The following PANX3 variants were observed in gnomAD, a reference collection of about 807,000 sequenced individuals.
PANX3 encodes pannexin 3, also known as pannexin-3.
A neutral mutation model predicts 31.5 loss-of-function variants in PANX3; 18 were observed. The observed-to-expected ratio is 0.57, with a 90% confidence interval of 0.39 to 0.85. PANX3 has a LOEUF of 0.85. Ranked by LOEUF, PANX3 falls within the 40% of genes least tolerant of loss-of-function variation. The pLI, the probability that PANX3 is intolerant of heterozygous loss-of-function variation, is 0.00. For synonymous variants in PANX3, 194 were observed against 201.6 expected (o/e 0.96, Z 0.32); for missense variants, 426 against 485.4 (o/e 0.88, Z 1.15).
chr11:124,612,969 T>C lies in PANX3; in HGVS notation c.182-11T>C, dbSNP rs1565394252. Reference sequence around the variant, plus strand: ...AACTCAGGCGGCCTCAAAGCTGTGTTCCTGTTGCAGGGTCTCCGATCAGCT... The same window carrying C: ...AACTCAGGCGGCCTCAAAGCTGTGTCCCTGTTGCAGGGTCTCCGATCAGCT... On this transcript the variant is annotated splice_polypyrimidine_tract_variant and intron_variant, in intron 1 of 3. Coordinates refer to ENST00000284288, the MANE Select transcript of PANX3 (RefSeq NM_052959.3). The C allele has an allele frequency of 6.2e-7, 1 of 1,613,628 alleles. No homozygotes were observed. The highest frequency in any genetic ancestry group is 1.1e-5 in the South Asian group (1 of 91,030).
At chr11:124,617,181 C>T (rs930250944) in intron 2 of PANX3, 93 bp from the exon 3 acceptor site, 3 of 1,054,616 alleles carry the variant, frequency 2.8e-6, no homozygotes, top group African/African-American at 3.1e-5. Context: ...CCTGCTGAGG[C>T]AGGAACAGGG....
At chr11:124,617,978 A>G (rs971317868) in intron 3 of PANX3, among the ~76,000 whole-genome samples, 1 of 152,214 alleles carries the variant, frequency 6.6e-6, no homozygotes, top group African/African-American at 2.4e-5. Flanking sequence ...TGCTTCTGAT[A>G]CATTCACTTG....
rs746319922 is a variant in PANX3 at position 124,613,030 on chromosome 11, G to T, written c.232G>T (p.Ala78Ser). 3 of 1,614,126 alleles carry T rather than the reference G, an allele frequency of 1.9e-6. No homozygotes were observed. Among genetic ancestry groups the T allele is most frequent in the Non-Finnish European group, 2.5e-6 (3 of 1,180,028 alleles). The change falls in exon 2 of 4, where the codon GCC becomes TCC. Residue 78 changes from alanine (A) to serine (S), a missense_variant. Physicochemically the swap from Ala to Ser is moderately conservative, Grantham distance 99. Transcript: ENST00000284288. Reference sequence around the variant, plus strand: ...CAGTAACTTCAGCATCCGGCAGGCAGCCTACGTGGACAGCTCCTGCTGGGA... The same window carrying T: ...CAGTAACTTCAGCATCCGGCAGGCATCCTACGTGGACAGCTCCTGCTGGGA... ...SPSNFSIRQA[A>S]YVDSSCWDSL...
At chr11:124,614,667 T>G (rs1353074417) in intron 2 of PANX3, among the ~76,000 whole-genome samples, 1 of 145,690 alleles carries the variant, frequency 6.9e-6, no homozygotes, top group Non-Finnish European at 1.5e-5. Flanking sequence ...ATAAACGCCC[T>G]TTCTTTTTTT....
intron 1 of PANX3, 25 bp downstream of exon 1, chr11:124,611,762 C>A (rs570659582): frequency 6.2e-7 from 1 of 1,602,216 alleles, no homozygotes; most frequent in Non-Finnish European, 8.5e-7. Flanking sequence ...AGACCCAGTG[C>A]GCAAGAGAGA....
chr11:124,612,964 T>A lies in PANX3; in HGVS notation c.182-16T>A, dbSNP rs1220360660. The A allele has an allele frequency of 1.2e-6, 2 of 1,613,408 alleles. No homozygotes were observed. The highest frequency in any genetic ancestry group is 3.3e-5 in the Admixed American group (2 of 59,990). ...ACTCCAACTCAGGCGGCCTCAAAGC[T>A]GTGTTCCTGTTGCAGGGTCTCCGAT... On this transcript the variant is annotated splice_polypyrimidine_tract_variant and intron_variant, in intron 1 of 3. Transcript: ENST00000284288.
chr11:124,612,323 A>G (rs897400151), intron 1 of PANX3, among the ~76,000 whole-genome samples: 5 of 152,242 alleles, frequency 3.3e-5, no homozygotes, highest in South Asian at 2.1e-4. Context: ...AGATTCAGTC[A>G]GCAAATCCAC....
intron 2 of PANX3, among the ~76,000 whole-genome samples, chr11:124,614,676 T>C (rs1863133115): frequency 1.4e-5 from 2 of 141,568 alleles, no homozygotes; most frequent in African/African-American, 2.7e-5. Context: ...CTTTCTTTTT[T>C]TTTTTTTTTT....
intron 2 of PANX3, among the ~76,000 whole-genome samples, chr11:124,615,972 C>A (rs1019916794): frequency 6.6e-6 from 1 of 152,052 alleles, no homozygotes; most frequent in Non-Finnish European, 1.5e-5. Context: ...AGAGATCGCA[C>A]CACGGCACTC....
At position 124,619,781 on chromosome 11, in the gene PANX3, C is replaced by T. The variant is rs569209665; in HGVS notation, c.1025C>T (p.Ser342Phe). The change falls in exon 4 of 4, where the codon TCT (serine) becomes TTT (phenylalanine). Residue 342 changes from serine to phenylalanine, a missense_variant. By Grantham distance (155) the Ser-to-Phe change is radical (BLOSUM62 -2). Transcript: ENST00000284288. ...CGAGCTAACATCTCTGAGCTCATCT[C>T]TTTTAGCTGGCTGAGTGTCTTATGT... ...FLRANISELISFSWLSVLCVL... is the reference protein window; with the variant it reads ...FLRANISELIFFSWLSVLCVL... 1.2e-6 allele frequency: 2 copies of T among 1,614,062 alleles called. No individual in the cohort carries two copies. The highest frequency in any genetic ancestry group is 1.7e-6 in the Non-Finnish European group (2 of 1,180,048).
At chr11:124,614,360 C>A (rs560931847) in intron 2 of PANX3, among the ~76,000 whole-genome samples, 4 of 151,960 alleles carry the variant, frequency 2.6e-5, no homozygotes, top group Non-Finnish European at 5.9e-5. Flanking sequence ...CTCTGCCTCC[C>A]GGGTTCAAGC....
intron 3 of PANX3, 40 bp downstream of exon 3, chr11:124,617,528 A>T (rs1380765236): frequency 6.3e-7 from 1 of 1,590,576 alleles, no homozygotes; most frequent in Admixed American, 1.7e-5. Flanking sequence ...AAATTCAGTC[A>T]AGCATTAAAA....
Position 124,620,017 on chromosome 11 carries a change from C to G in PANX3, c.*82C>G, listed in dbSNP as rs1863199004. ...CATGCACACTAATACACATACACAC[C>G]AAAAAATTACACATTTTAAAACTGC... is the stretch of plus-strand genomic sequence containing the variant. On this transcript the variant is annotated 3_prime_UTR_variant, in exon 4 of 4. Coordinates refer to ENST00000284288, the MANE Select transcript of PANX3 (RefSeq NM_052959.3). 7.2e-7 allele frequency: 1 copy of G among 1,382,782 alleles called. No individual in the cohort carries two copies. The allele number at this position is 1,382,782 out of a possible 1,614,324, so 85.7% of individuals were successfully genotyped here. A position where few individuals can be genotyped will look rare whatever the true frequency, so the allele number is the denominator to read the frequency against.
At chr11:124,617,595 G>A (rs1343757557) in intron 3 of PANX3, 107 bp downstream of exon 3, 4 of 1,104,420 alleles carry the variant, frequency 3.6e-6, no homozygotes, top group South Asian at 2.8e-5. Context: ...TCTCAAGAAG[G>A]CAAAGTGCTT....
intron 3 of PANX3, 107 bp from the exon 4 acceptor site, chr11:124,619,189 C>T (rs1237644721): frequency 1.7e-5 from 21 of 1,227,000 alleles, no homozygotes; most frequent in Non-Finnish European, 1.9e-5. Context: ...TCATGGGAAC[C>T]AAGAATGCCA....
intron 1 of PANX3, among the ~76,000 whole-genome samples, chr11:124,612,459 T>C (rs74576560): frequency 6.6e-6 from 1 of 152,166 alleles, no homozygotes; most frequent in African/African-American, 2.4e-5. Context: ...TCTTTATTCA[T>C]CCACAACCAG....
intron 2 of PANX3, 124 bp from the exon 3 acceptor site, chr11:124,617,150 C>T: frequency 1.2e-6 from 1 of 812,794 alleles, no homozygotes; most frequent in Non-Finnish European, 2.0e-6. Flanking sequence ...CTGGGCTAGC[C>T]CATTCCCCAA....
intron 1 of PANX3, 144 bp downstream of exon 1, chr11:124,611,881 A>G (rs936383302): frequency 2.9e-5 from 24 of 820,296 alleles, no homozygotes; most frequent in Non-Finnish European, 3.8e-5. Context: ...CAGATGGTGC[A>G]TGAGTTCAGG....
intron 1 of PANX3, among the ~76,000 whole-genome samples, chr11:124,611,946 C>G (rs896310935): frequency 2.3e-4 from 14 of 61,226 alleles, no homozygotes; most frequent in African/African-American, 9.7e-4. Flanking sequence ...CAAAATGTTA[C>G]AGTAAAAAAA....
Sources: allele counts gnomAD v4.1 joint callset (sites outside exome capture counted in the v4.1 genomes callset), GRCh38; gene constraint gnomAD v4.1.1; transcripts MANE v1.5; gene names NCBI Gene and HGNC (gene_info 2026-07-23, HGNC 2026-07-21).